The following PRDM11 variants were observed in gnomAD, a reference collection of about 807,000 sequenced individuals.
PRDM11 encodes PR/SET domain 11.
A neutral mutation model predicts 97.8 loss-of-function variants in PRDM11; 20 were observed. The observed-to-expected ratio is 0.20, with a 90% confidence interval of 0.14 to 0.30. The LOEUF (loss-of-function observed/expected upper bound fraction) is 0.30, where lower values mean the gene tolerates loss of function less well. Ranked by LOEUF, PRDM11 falls within the 10% of genes least tolerant of loss-of-function variation. The pLI, the probability that PRDM11 is intolerant of heterozygous loss-of-function variation, is 1.00. For synonymous variants in PRDM11, 599 were observed against 637.7 expected (o/e 0.94, Z 0.91); for missense variants, 1,139 against 1,555.2 (o/e 0.73, Z 4.50).
chr11:45,175,183 G>A (rs1852298077), intron 1 of PRDM11, among the ~76,000 whole-genome samples: 1 of 152,190 alleles, frequency 6.6e-6, no homozygotes, highest in Non-Finnish European at 1.5e-5. Flanking sequence ...TTCACTCATG[G>A]TGTTGTACCT....
intron 1 of PRDM11, among the ~76,000 whole-genome samples, chr11:45,176,117 C>T (rs893947889): frequency 1.3e-5 from 2 of 152,052 alleles, no homozygotes; most frequent in African/African-American, 4.8e-5. Flanking sequence ...TGTGGTAGCT[C>T]ATGCCTGTAA....
intron 5 of PRDM11, among the ~76,000 whole-genome samples, chr11:45,208,255 G>C (rs1328646322): frequency 6.6e-6 from 1 of 152,200 alleles, no homozygotes; most frequent in Non-Finnish European, 1.5e-5. Flanking sequence ...GAACTGACCG[G>C]GACGGGGAAG....
chr11:45,145,025 C>T (rs1031892493), upstream of PRDM11, among the ~76,000 whole-genome samples: 2 of 152,158 alleles, frequency 1.3e-5, no homozygotes, highest in African/African-American at 4.8e-5. Context: ...CTGCCTGGCA[C>T]CAAGCAGAGA....
chr11:45,158,992 C>T (rs895942756), intron 1 of PRDM11, among the ~76,000 whole-genome samples: 2 of 152,172 alleles, frequency 1.3e-5, no homozygotes, highest in African/African-American at 4.8e-5. Flanking sequence ...CTTGAGCCCC[C>T]CCTTCCTAGT....
intron 5 of PRDM11, among the ~76,000 whole-genome samples, chr11:45,218,216 T>C (rs1417618558): frequency 1.3e-5 from 2 of 152,228 alleles, no homozygotes; most frequent in African/African-American, 2.4e-5. Flanking sequence ...CATATTGGTA[T>C]GCCGGGTTTG....
Position 45,227,158 on chromosome 11 carries a change from G to A in PRDM11, c.2533G>A (p.Val845Met). Residue 845 changes from valine (V) to methionine (M), a missense_variant, in exon 8 of 8, where the codon GTG becomes ATG. Val to Met is a conservative substitution (Grantham distance 21). This residue lies in a region of PRDM11 where 710 missense variants were observed against 1,044.9 expected (regional missense o/e 0.68). Coordinates refer to ENST00000683152, the MANE Select transcript of PRDM11 (RefSeq NM_001384648.1). This position sits in a 1 kb window ranked among gnomAD's most constrained non-coding sequence, Gnocchi z 8.0. ...CGCTCTCATCAAGGACTACCTGGAG[G>A]TGGTGGCCCATCTCAAGGAGGTCAG... ...LNALIKDYLE[V>M]VAHLKEVSSQ... 1 of 1,533,988 alleles carries A rather than the reference G, an allele frequency of 6.5e-7. No homozygotes were observed. Among genetic ancestry groups the A allele is most frequent in the Non-Finnish European group, 8.7e-7 (1 of 1,146,738 alleles).
intron 1 of PRDM11, among the ~76,000 whole-genome samples, chr11:45,151,677 G>A (rs771530858): frequency 6.6e-5 from 10 of 152,212 alleles, no homozygotes; most frequent in South Asian, 2.1e-4. Flanking sequence ...GCAGAAGGAC[G>A]CAAAGGAGAC....
Position 45,116,430 on chromosome 11 carries a change from C to T in PRDM11, c.96+20529C>T, listed in dbSNP as rs116615365. 3.2e-3 allele frequency among the ~76,000 whole-genome samples: 480 copies of T among 152,214 alleles called. 2 individuals carry two copies. Among genetic ancestry groups the T allele is most frequent in the African/African-American group, 9.2e-3 (383 of 41,546 alleles). ...CTTAAAATTTTTCAAAAGATTGAAA[C>T]TTTACAGAGTATGTTCTCTGTCAAC... On this transcript the variant is annotated intron_variant, in intron 1 of 6. Transcript: ENST00000530656.
chr11:45,102,613 A>C (rs1349278512), intron 1 of PRDM11, among the ~76,000 whole-genome samples: 8 of 151,500 alleles, frequency 5.3e-5, no homozygotes, highest in African/African-American at 1.9e-4. Flanking sequence ...ACCCCAGTCC[A>C]TTAGGTCCAG....
At chr11:45,117,740 C>T (rs969857561) in intron 1 of PRDM11, among the ~76,000 whole-genome samples, 5 of 151,840 alleles carry the variant, frequency 3.3e-5, no homozygotes, top group African/African-American at 9.7e-5. Flanking sequence ...GAGCAAGATG[C>T]CATCTCAAAA....
At chr11:45,164,861 G>A (rs989079962) in intron 1 of PRDM11, among the ~76,000 whole-genome samples, 1 of 152,132 alleles carries the variant, frequency 6.6e-6, no homozygotes, top group Non-Finnish European at 1.5e-5. Context: ...AGAGCCAGCA[G>A]ATCCTAAAGG....
intron 1 of PRDM11, among the ~76,000 whole-genome samples, chr11:45,102,459 G>C (rs964309910): frequency 6.6e-6 from 1 of 152,158 alleles, no homozygotes; most frequent in Non-Finnish European, 1.5e-5. Context: ...CACTCCCTGG[G>C]GCCGGCATGA....
At chr11:45,192,871 A>G (rs1590426680) in intron 4 of PRDM11, among the ~76,000 whole-genome samples, 1 of 152,234 alleles carries the variant, frequency 6.6e-6, no homozygotes, top group Non-Finnish European at 1.5e-5. Context: ...TCAACATAAT[A>G]CACATTAACA....
intron 4 of PRDM11, 95 bp from the exon 5 acceptor site, chr11:45,204,616 G>A: frequency 8.7e-7 from 1 of 1,150,764 alleles, no homozygotes; most frequent in East Asian, 2.3e-5. Context: ...GAGGGAGCAG[G>A]TGGGACCAGG....
chr11:45,103,306 TA>T (rs1852010326), intron 1 of PRDM11, among the ~76,000 whole-genome samples: 1 of 151,944 alleles, frequency 6.6e-6, no homozygotes, highest in Non-Finnish European at 1.5e-5. Context: ...ATGGTAGACA[TA>T]TGAAACTACA....
chr11:45,206,795 C>T (rs1334059932), intron 5 of PRDM11, among the ~76,000 whole-genome samples: 2 of 152,222 alleles, frequency 1.3e-5, no homozygotes, highest in Non-Finnish European at 2.9e-5. Context: ...CTTCATGCCA[C>T]AGTGGTCAAG....
chr11:45,215,652 T>C (rs1853935814), intron 5 of PRDM11, among the ~76,000 whole-genome samples: 1 of 152,170 alleles, frequency 6.6e-6, no homozygotes, highest in Admixed American at 6.5e-5. Context: ...CAGTGGGGAT[T>C]GTTGGGCTAG....
chr11:45,158,196 A>T (rs949244495), intron 1 of PRDM11, among the ~76,000 whole-genome samples: 5 of 152,208 alleles, frequency 3.3e-5, no homozygotes, highest in African/African-American at 1.2e-4. Context: ...CCCTAGAGTA[A>T]CTGACCTGCC....
chr11:45,175,820 C>A (rs1423998541), intron 1 of PRDM11, among the ~76,000 whole-genome samples: 2 of 152,176 alleles, frequency 1.3e-5, no homozygotes, highest in African/African-American at 4.8e-5. Flanking sequence ...CTCTTGCCAA[C>A]TCTGAATAAC....
Sources: gnomAD v4.1 joint callset for allele counts (sites outside exome capture counted in the v4.1 genomes callset) on GRCh38, gnomAD v4.1.1 for gene constraint, gnomAD v4.1.1 regional missense constraint, Gnocchi (gnomAD v3.1) non-coding constraint, MANE v1.5 for transcripts, NCBI Gene and HGNC (gene_info 2026-07-23, HGNC 2026-07-21) for gene names.